Variants in CDKL3 observed in about 807,000 individuals in gnomAD.
CDKL3 encodes the protein cyclin dependent kinase like 3, also known as cyclin-dependent kinase-like 3.
Under a neutral mutation model 69.3 loss-of-function variants are expected in CDKL3, and 65 were observed. That is an observed-to-expected ratio of 0.94 (90% CI 0.77 to 1.15). The LOEUF (loss-of-function observed/expected upper bound fraction) is 1.15. Among genes scored for constraint, CDKL3 ranks in the 50% most tolerant of loss-of-function variants. The pLI, the probability that CDKL3 is intolerant of heterozygous loss-of-function variation, is 0.00. For synonymous variants in CDKL3, 202 were observed against 221.6 expected (o/e 0.91, Z 0.79); for missense variants, 652 against 689.2 (o/e 0.95, Z 0.61).
chr5:134,346,644 GCAC>G (rs946332970), intron 4 of CDKL3, among the ~76,000 whole-genome samples: 6 of 152,026 alleles, frequency 3.9e-5, no homozygotes, highest in Non-Finnish European at 8.8e-5. Context: ...TTACAGGCAT[GCAC>G]CACCACGCCT....
At chr5:134,327,327 A>G (rs1774647148) in intron 4 of CDKL3, among the ~76,000 whole-genome samples, 1 of 152,186 alleles carries the variant, frequency 6.6e-6, no homozygotes, top group South Asian at 2.1e-4. Flanking sequence ...GCTGCTCTCC[A>G]TATCTCACTA....
rs1001112992 is a variant in CDKL3 at position 134,310,480 on chromosome 5, A to T, written c.882-1753T>A. ...GCTGGGATTACAGGTGTGAGCCACC[A>T]AGCCCGGCCTATTCTTTTATTTTTT... On this transcript the variant is annotated intron_variant, in intron 7 of 12. Transcript: ENST00000265334. 2.0e-5 allele frequency among the ~76,000 whole-genome samples: 3 copies of T among 147,354 alleles called. No homozygotes were observed. In the Admixed American group the frequency reaches 2.1e-4, roughly 10 times the overall value.
At chr5:134,358,175 G>C (rs1755075208) in intron 3 of CDKL3, among the ~76,000 whole-genome samples, 1 of 152,204 alleles carries the variant, frequency 6.6e-6, no homozygotes, top group Non-Finnish European at 1.5e-5. Context: ...TCAAGGTTCT[G>C]GAAAATCTCT....
intron 4 of CDKL3, among the ~76,000 whole-genome samples, chr5:134,347,697 T>TAAAAAAAAAAA (rs1175296441): frequency 3.8e-5 from 2 of 52,826 alleles, no homozygotes; most frequent in African/African-American, 7.4e-5. Context: ...CCATCTCTGC[T>TAAAAAAAAAAA]AAAAAAAAAA....
chr5:134,371,516 A>G (rs1305273062), upstream of CDKL3: 1 of 1,424,294 alleles, frequency 7.0e-7, no homozygotes, highest in Non-Finnish European at 9.2e-7. Context: ...ATCCACAGTG[A>G]TTCGGCCGCC....
Position 134,298,722 on chromosome 5 carries a change from A to T in CDKL3, c.1720-12T>A, listed in dbSNP as rs766236573. ...TGGCCATCTCCACCCTAAAATTAGA[A>T]ACCAAGCTAGTAAGAATCAGGGACT... On this transcript the variant is annotated splice_polypyrimidine_tract_variant and intron_variant, in intron 12 of 12. Coordinates refer to ENST00000265334, the MANE Select transcript of CDKL3 (RefSeq NM_001113575.2). 1 of 1,610,906 alleles carries T rather than the reference A, an allele frequency of 6.2e-7. No individual in the cohort carries two copies. Among genetic ancestry groups the T allele is most frequent in the South Asian group, 1.1e-5 (1 of 90,272 alleles).
chr5:134,310,630 G>C (rs930542837), intron 7 of CDKL3, among the ~76,000 whole-genome samples: 2 of 151,982 alleles, frequency 1.3e-5, no homozygotes, highest in African/African-American at 2.4e-5. Context: ...TGGGACTACA[G>C]GCACATGCCC....
chr5:134,336,333 T>C (rs1436358312), intron 4 of CDKL3, among the ~76,000 whole-genome samples: 1 of 152,214 alleles, frequency 6.6e-6, no homozygotes, highest in Non-Finnish European at 1.5e-5. Context: ...TGTCAACTTG[T>C]CAAACTCATT....
chr5:134,308,857 T>C (rs1248805816), intron 7 of CDKL3, 130 bp from the exon 8 acceptor site: 2 of 784,280 alleles, frequency 2.6e-6, no homozygotes, highest in African/African-American at 1.8e-5. Context: ...CTATAATGCA[T>C]GTCAAGAGAT....
At chr5:134,292,687 T>A (rs1765172756) in intron 8 of CDKL3, among the ~76,000 whole-genome samples, 1 of 151,790 alleles carries the variant, frequency 6.6e-6, no homozygotes, top group Admixed American at 6.6e-5. Flanking sequence ...TTGATAAACC[T>A]CTATCTAGAC....
rs541632497 is a variant in CDKL3, at chr5:134,339,918, G to A, written c.539+10331C>T. ...TAATCTCAAAACTATGGGAAGCAGAGAGGTAGGAGGGTCACTTGAGTACAG... is the reference window on the plus strand; with the variant it reads ...TAATCTCAAAACTATGGGAAGCAGAAAGGTAGGAGGGTCACTTGAGTACAG... On this transcript the variant is annotated intron_variant, in intron 4 of 12. Transcript: ENST00000265334. Among the ~76,000 whole-genome samples, 9 of 152,226 alleles carry A rather than the reference G, an allele frequency of 5.9e-5. No homozygotes were observed. In the South Asian group the frequency reaches 1.9e-3, roughly 32 times the overall value.
intron 7 of CDKL3, among the ~76,000 whole-genome samples, chr5:134,310,034 T>A (rs891708589): frequency 3.3e-5 from 5 of 152,150 alleles, no homozygotes; most frequent in African/African-American, 9.7e-5. Flanking sequence ...TTTTGCCATG[T>A]TGCCCAGGCT....
chr5:134,367,095 ATAC>A lies in CDKL3; in HGVS notation c.-143_-141del, dbSNP rs1256733659. ...GTTCCAGTGGAGCCACCGAACACTG[ATAC>A]TACTTTGTTGCTCAGCCCCGCAAGG... is the stretch of plus-strand genomic sequence containing the variant. On this transcript the variant is annotated 5_prime_UTR_variant, in exon 1 of 13. Transcript: ENST00000265334. 1.4e-5 allele frequency: 14 copies of A among 986,074 alleles called. No homozygotes were observed. Among genetic ancestry groups the A allele is most frequent in the Non-Finnish European group, 1.7e-5 (14 of 830,582 alleles). 61.1% of individuals were successfully genotyped at this position (986,074 alleles called of 1,614,324 possible).
intron 7 of CDKL3, 30 bp downstream of exon 7, chr5:134,312,262 A>T (rs758369557): frequency 3.7e-6 from 5 of 1,361,278 alleles, no homozygotes; most frequent in Non-Finnish European, 5.1e-6. Flanking sequence ...AAATGCTTTT[A>T]AAAAACCCAC....
At position 134,287,071 on chromosome 5, in the gene CDKL3, A is replaced by G. The variant is rs558056204; in HGVS notation, c.*678-512T>C. On this transcript the variant is annotated intron_variant and NMD_transcript_variant, in intron 8 of 8. Transcript: ENST00000519312. ...GTGGAGGCCTTAAGAACTGCCAGGG[A>G]AACAGGTAGGAAGAAAAATTATCAG... is the stretch of plus-strand genomic sequence containing the variant. Among the ~76,000 whole-genome samples the G allele has an allele frequency of 3.3e-5, 5 of 152,280 alleles. No individual in the cohort carries two copies. The South Asian group carries it at 1.0e-3, about 32-fold the overall frequency.
At chr5:134,371,207 TAAACTAGTGACGGGG>T (rs1758367759), upstream of CDKL3, 2 of 288,246 alleles carry the variant, frequency 6.9e-6, no homozygotes, top group Non-Finnish European at 1.3e-5. Context: ...CCGCCGAGCC[TAAACTAGTGACGGGG>T]AGGGAGACGG....
Position 134,312,331 on chromosome 5 carries a change from A to C in CDKL3, c.842T>G (p.Leu281Trp). 1 of 1,601,198 alleles carries C rather than the reference A, an allele frequency of 6.2e-7. No homozygotes were observed. Among genetic ancestry groups the C allele is most frequent in the Non-Finnish European group, 8.5e-7 (1 of 1,174,254 alleles). ...PADRISSSDLLHHEYFTRDGF... is the reference protein window; with the variant it reads ...PADRISSSDLWHHEYFTRDGF... ...ATCTCTAGTAAAATACTCATGATGC[A>C]AAAGATCACTAGATGATATCCTGTC... Residue 281 changes from leucine (L) to tryptophan (W), a missense_variant, in exon 7 of 13, where the codon TTG (leucine) becomes TGG (tryptophan). By Grantham distance (61) the Leu-to-Trp change is moderately conservative. Coordinates refer to ENST00000265334, the MANE Select transcript of CDKL3 (RefSeq NM_001113575.2).
intron 4 of CDKL3, among the ~76,000 whole-genome samples, chr5:134,335,609 G>A (rs1776907312): frequency 6.6e-6 from 1 of 152,104 alleles, no homozygotes; most frequent in South Asian, 2.1e-4. Flanking sequence ...ATGAAATTCT[G>A]AGTTGAAAAT....
At chr5:134,319,167 C>A (rs970545623) in intron 6 of CDKL3, 191 bp downstream of exon 6, 16 of 423,862 alleles carry the variant, frequency 3.8e-5, no homozygotes, top group African/African-American at 3.2e-4. Context: ...CCCGTCTCTA[C>A]TGAAAATACA....
Sources: gnomAD v4.1 joint callset for allele counts (sites outside exome capture counted in the v4.1 genomes callset) on GRCh38, gnomAD v4.1.1 for gene constraint, MANE v1.5 for transcripts, NCBI Gene and HGNC (gene_info 2026-07-23, HGNC 2026-07-21) for gene names.